PTGFRN: variants seen among roughly 807,000 people sequenced by gnomAD.
The protein encoded by PTGFRN is prostaglandin F2 receptor inhibitor, also known as prostaglandin F2 receptor negative regulator.
In PTGFRN, 35 loss-of-function variants were observed where a neutral mutation model predicts 83.2. That is an observed-to-expected ratio of 0.42 (90% CI 0.32 to 0.56). The LOEUF (loss-of-function observed/expected upper bound fraction) is 0.56. Ranked by LOEUF, PTGFRN falls within the 20% of genes least tolerant of loss-of-function variation. The pLI is 0.11. For synonymous variants in PTGFRN, 519 were observed against 498.6 expected, an observed-to-expected ratio of 1.04 and a Z score of -0.55; for missense variants, 1,051 against 1,179.5, an observed-to-expected ratio of 0.89 and a Z score of 1.60.
At chr1:116,916,314 T>C (rs1051563910) in intron 1 of PTGFRN, among the ~76,000 whole-genome samples, 5 of 152,214 alleles carry the variant, frequency 3.3e-5, no homozygotes, top group African/African-American at 1.2e-4. Flanking sequence ...TGGCTTAGAA[T>C]AGCGAAGAGT....
Position 116,958,402 on chromosome 1 carries a change from G to C in PTGFRN, c.1214-2841G>C, listed in dbSNP as rs532071387. On this transcript the variant is annotated intron_variant, in intron 4 of 8. Transcript: ENST00000393203. The surrounding 1 kb of genome is among the most constrained non-coding windows in gnomAD (Gnocchi z 4.9). ...ATGAAGTTTAGAAGACAGTAGGTTT[G>C]GTTCATCTGTGAGCTAAGGATGCAC... is the stretch of plus-strand genomic sequence containing the variant. Among the ~76,000 whole-genome samples the C allele has an allele frequency of 2.6e-5, 4 of 152,282 alleles. No homozygotes were observed. In the South Asian group the frequency reaches 8.3e-4, roughly 32 times the overall value.
chr1:116,936,339 G>A lies in PTGFRN; in HGVS notation c.50-5376G>A, dbSNP rs190178463. Among the ~76,000 whole-genome samples the A allele has an allele frequency of 8.5e-5, 13 of 152,282 alleles. No homozygotes were observed. The East Asian group carries it at 2.1e-3, about 25-fold the overall frequency. On this transcript the variant is annotated intron_variant, in intron 1 of 8. Coordinates refer to ENST00000393203, the MANE Select transcript of PTGFRN (RefSeq NM_020440.4). ...TTAAGATCTTGATTTGCATGGATGA[G>A]GGGACATCCTAGTTCTGCATGCAAG...
intron 4 of PTGFRN, among the ~76,000 whole-genome samples, chr1:116,960,729 A>T (rs919959252): frequency 6.6e-6 from 1 of 152,208 alleles, no homozygotes. Flanking sequence ...AGGGCCTTGC[A>T]TTTAGGGCAT....
rs956589814 is a variant in PTGFRN at position 116,961,834 on chromosome 1, A to G, written c.1639+166A>G. Among the ~76,000 whole-genome samples, 19 of 152,036 alleles carry G rather than the reference A, an allele frequency of 1.2e-4. No individual in the cohort carries two copies. Among genetic ancestry groups the G allele is most frequent in the African/African-American group, 3.9e-4 (16 of 41,372 alleles). On this transcript the variant is annotated intron_variant, in intron 5 of 8. Transcript: ENST00000393203. The surrounding 1 kb of genome is among the most constrained non-coding windows in gnomAD (Gnocchi z 5.4). ...GTTGCACATGCTCTTTGGACTCACT[A>G]TCACCCCTCCTCTGTCCCCAAGCCC...
At chr1:116,968,094 C>CAGT (rs1238051341) in intron 6 of PTGFRN, among the ~76,000 whole-genome samples, 1 of 152,120 alleles carries the variant, frequency 6.6e-6, no homozygotes, top group African/African-American at 2.4e-5. Context: ...GTGTGTGTTT[C>CAGT]AGTAGGAAGA....
At chr1:116,940,292 T>C (rs1330169190) in intron 1 of PTGFRN, among the ~76,000 whole-genome samples, 2 of 152,206 alleles carry the variant, frequency 1.3e-5, no homozygotes, top group Non-Finnish European at 2.9e-5. Context: ...CCTTAGCTTC[T>C]GGTGGCTTGC....
chr1:116,933,436 T>C (rs1001959699), intron 1 of PTGFRN, among the ~76,000 whole-genome samples: 15 of 152,188 alleles, frequency 9.9e-5, no homozygotes, highest in African/African-American at 3.6e-4. Context: ...GTCATATGTT[T>C]TAATTATGTA....
chr1:116,931,924 A>G (rs534707304), intron 1 of PTGFRN, among the ~76,000 whole-genome samples: 3 of 152,196 alleles, frequency 2.0e-5, no homozygotes, highest in Non-Finnish European at 1.5e-5. Context: ...GCTGAAAACC[A>G]TAACCTCTTT....
At chr1:116,951,384 A>G (rs781099108) in intron 4 of PTGFRN, among the ~76,000 whole-genome samples, 2 of 152,234 alleles carry the variant, frequency 1.3e-5, no homozygotes, top group Non-Finnish European at 2.9e-5. Context: ...TTGGAGTGCT[A>G]CTACCATTGT....
intron 1 of PTGFRN, among the ~76,000 whole-genome samples, chr1:116,917,281 CAG>C (rs1331557196): frequency 6.6e-6 from 1 of 150,762 alleles, no homozygotes; most frequent in African/African-American, 2.5e-5. Context: ...GGTAGTGGCT[CAG>C]GGCACGGCAG....
In PTGFRN at chr1:116,961,681, T is replaced by C. The variant is rs375401643; in HGVS notation, c.1639+13T>C. 8 of 1,590,670 alleles carry C rather than the reference T, an allele frequency of 5.0e-6. No homozygotes were observed. In the African/African-American group the frequency reaches 8.1e-5, roughly 16 times the overall value. On this transcript the variant is annotated intron_variant, in intron 5 of 8. Transcript: ENST00000393203. The surrounding 1 kb of genome is among the most constrained non-coding windows in gnomAD (Gnocchi z 5.4). ...TGGGCATTAGAAGGTAGGAACTTTTTTCTTGTTATTCATTTTTGTTTTGTC... is the reference window on the plus strand; with the variant it reads ...TGGGCATTAGAAGGTAGGAACTTTTCTCTTGTTATTCATTTTTGTTTTGTC...
intron 5 of PTGFRN, among the ~76,000 whole-genome samples, chr1:116,965,564 A>C (rs11808956): frequency 0.18 from 27,069 of 152,142 alleles, 2,604 homozygotes; most frequent in Middle Eastern, 0.25. Context: ...AGATTACAGG[A>C]ATGAGCCACT....
At chr1:116,927,664 G>C (rs1649689804) in intron 1 of PTGFRN, among the ~76,000 whole-genome samples, 1 of 151,168 alleles carries the variant, frequency 6.6e-6, no homozygotes, top group Admixed American at 6.6e-5. Context: ...CTCCCAAATA[G>C]CTAGGACCAT....
intron 7 of PTGFRN, among the ~76,000 whole-genome samples, chr1:116,979,881 T>A (rs980983666): frequency 2.1e-4 from 32 of 151,484 alleles, no homozygotes; most frequent in Admixed American, 1.7e-3. Context: ...GGGATCTAAT[T>A]AAACTAAAGA....
Position 116,942,041 on chromosome 1 carries a change from G to A in PTGFRN, c.376G>A (p.Ala126Thr). The A allele has an allele frequency of 6.2e-7, 1 of 1,614,158 alleles. No homozygotes were observed. Among genetic ancestry groups the A allele is most frequent in the South Asian group, 1.1e-5 (1 of 91,082 alleles). ...HYKCSTPSTD[A>T]TVQGNYEDTV... ...CAAATGTTCAACCCCCAGCACAGAT[G>A]CCACTGTCCAGGGAAACTATGAGGA... is the stretch of plus-strand genomic sequence containing the variant. Residue 126 changes from alanine to threonine, a missense_variant, in exon 2 of 9, where the codon GCC (alanine) becomes ACC (threonine). Physicochemically the swap from Ala to Thr is moderately conservative, Grantham distance 58 (BLOSUM62 0). This residue lies in a region of PTGFRN where 127 missense variants were observed against 168.4 expected (regional missense o/e 0.75). Transcript: ENST00000393203.
At chr1:116,919,622 G>T (rs1273812640) in intron 1 of PTGFRN, among the ~76,000 whole-genome samples, 2 of 152,194 alleles carry the variant, frequency 1.3e-5, no homozygotes. Flanking sequence ...CTGTTTAATA[G>T]ATGAGCAAAC....
chr1:116,917,664 C>T (rs185347974), intron 1 of PTGFRN, among the ~76,000 whole-genome samples: 298 of 152,290 alleles, frequency 2.0e-3, no homozygotes, highest in Non-Finnish European at 3.6e-3. Flanking sequence ...GGGTCTCACG[C>T]TATCACCCTG....
chr1:116,979,308 T>C (rs1651243971), intron 7 of PTGFRN, among the ~76,000 whole-genome samples: 1 of 152,142 alleles, frequency 6.6e-6, no homozygotes, highest in Non-Finnish European at 1.5e-5. Context: ...AGGTAATTTA[T>C]AGATTCAATG....
chr1:116,950,564 A>G (rs1465601497), intron 4 of PTGFRN, among the ~76,000 whole-genome samples: 1 of 152,188 alleles, frequency 6.6e-6, no homozygotes, highest in East Asian at 1.9e-4. Context: ...TTCTTCTGCT[A>G]TGACCTCCAA....
Sources: allele counts gnomAD v4.1 joint callset (sites outside exome capture counted in the v4.1 genomes callset), GRCh38; gene constraint gnomAD v4.1.1; regional missense constraint gnomAD v4.1.1; non-coding constraint Gnocchi (gnomAD v3.1); transcripts MANE v1.5; gene names NCBI Gene and HGNC (gene_info 2026-07-23, HGNC 2026-07-21).